Variants in KCNK2 observed in about 807,000 individuals in gnomAD.
KCNK2 encodes the protein potassium two pore domain channel subfamily K member 2, also known as potassium channel subfamily K member 2.
A neutral mutation model predicts 40.5 loss-of-function variants in KCNK2; 21 were observed. The ratio of observed to expected loss-of-function variants is 0.52; its 90% CI spans 0.37 to 0.75. The LOEUF (loss-of-function observed/expected upper bound fraction) is 0.75, where lower values mean the gene tolerates loss of function less well. Ranked by LOEUF, KCNK2 falls within the 30% of genes least tolerant of loss-of-function variation. The pLI, the probability that KCNK2 is intolerant of heterozygous loss-of-function variation, is 0.00. For synonymous variants in KCNK2, 191 were observed against 202.2 expected, an observed-to-expected ratio of 0.94 and a Z score of 0.47; for missense variants, 399 against 531.6, an observed-to-expected ratio of 0.75 and a Z score of 2.45.
rs373155314 is a variant in KCNK2, at chr1:215,192,247, A to G, written c.824-2706A>G. Among the ~76,000 whole-genome samples the G allele has an allele frequency of 7.2e-5, 11 of 152,234 alleles. No homozygotes were observed. In the South Asian group the frequency reaches 2.3e-3, roughly 32 times the overall value. ...AGTAGGATTTGGGAGTTGTTTGACA[A>G]TATTTCTTATATATAGTATTCGTTT... On this transcript the variant is annotated intron_variant, in intron 5 of 6. Transcript: ENST00000444842.
chr1:215,024,173 C>T (rs1656913596), intron 1 of KCNK2, among the ~76,000 whole-genome samples: 1 of 152,148 alleles, frequency 6.6e-6, no homozygotes, highest in Non-Finnish European at 1.5e-5. Context: ...CACCTGACAC[C>T]CTGTGGACTC....
chr1:215,059,921 G>A (rs1005207893), intron 1 of KCNK2, among the ~76,000 whole-genome samples: 2 of 152,212 alleles, frequency 1.3e-5, no homozygotes, highest in Admixed American at 6.5e-5. Flanking sequence ...CTTTTAGAGA[G>A]GAGACCCTCC....
intron 1 of KCNK2, among the ~76,000 whole-genome samples, chr1:215,013,159 T>G (rs1354140487): frequency 6.6e-6 from 1 of 152,202 alleles, no homozygotes; most frequent in Non-Finnish European, 1.5e-5. Flanking sequence ...TAATTTTGTA[T>G]AAGATATGAG....
chr1:215,006,276 T>C (rs780893789), intron 1 of KCNK2, among the ~76,000 whole-genome samples: 8 of 152,192 alleles, frequency 5.3e-5, no homozygotes, highest in Non-Finnish European at 1.2e-4. Context: ...TGCATTTAGA[T>C]TCTGGTAATT....
intron 1 of KCNK2, among the ~76,000 whole-genome samples, chr1:215,033,989 A>G: frequency 6.6e-6 from 1 of 152,110 alleles, no homozygotes; most frequent in Admixed American, 6.6e-5. Context: ...TCAGTAATTC[A>G]TCAATTACAT....
chr1:215,084,851 CT>C (rs1022132343), intron 1 of KCNK2, among the ~76,000 whole-genome samples: 24 of 152,242 alleles, frequency 1.6e-4, no homozygotes, highest in Non-Finnish European at 3.2e-4. Context: ...AATTTCATCT[CT>C]TCCAAATCAG....
chr1:215,013,442 T>G (rs1656478213), intron 1 of KCNK2, among the ~76,000 whole-genome samples: 1 of 152,186 alleles, frequency 6.6e-6, no homozygotes, highest in Admixed American at 6.5e-5. Context: ...CACACAAATT[T>G]TAGAATCAGC....
At chr1:215,225,785 T>C (rs1161199012) in intron 6 of KCNK2, among the ~76,000 whole-genome samples, 2 of 152,182 alleles carry the variant, frequency 1.3e-5, no homozygotes, top group East Asian at 1.9e-4. Context: ...TAAATTACTA[T>C]ACTCACAGCA....
At chr1:215,010,187 T>C (rs2102469573) in intron 1 of KCNK2, among the ~76,000 whole-genome samples, 1 of 152,320 alleles carries the variant, frequency 6.6e-6, no homozygotes, top group South Asian at 2.1e-4. Context: ...GAGAAAAACA[T>C]ATAACTATGA....
chr1:215,195,142 A>G (rs766454730), intron 6 of KCNK2, 50 bp downstream of exon 6: 5 of 1,322,060 alleles, frequency 3.8e-6, no homozygotes, highest in Non-Finnish European at 5.2e-6. Flanking sequence ...AATTCAATAA[A>G]GGTTATTTTA....
At chr1:215,209,118 C>T (rs1039553741) in intron 6 of KCNK2, among the ~76,000 whole-genome samples, 2 of 149,742 alleles carry the variant, frequency 1.3e-5, no homozygotes, top group Non-Finnish European at 3.0e-5. Flanking sequence ...TGAGCCACTG[C>T]GCCTGGCCCT....
intron 1 of KCNK2, among the ~76,000 whole-genome samples, chr1:215,048,749 A>T (rs900661146): frequency 6.6e-6 from 1 of 152,194 alleles, no homozygotes; most frequent in Non-Finnish European, 1.5e-5. Context: ...CTACTAATGC[A>T]TAAAGCTCTG....
At chr1:215,055,698 G>A (rs746256117) in intron 1 of KCNK2, among the ~76,000 whole-genome samples, 3 of 152,116 alleles carry the variant, frequency 2.0e-5, no homozygotes, top group Non-Finnish European at 4.4e-5. Context: ...CAGTTCAAAC[G>A]CTTTGCTTCC....
chr1:215,063,487 G>A (rs1382800532), intron 1 of KCNK2, among the ~76,000 whole-genome samples: 1 of 152,120 alleles, frequency 6.6e-6, no homozygotes, highest in Non-Finnish European at 1.5e-5. Context: ...TTGCATTTTG[G>A]ACTTTCTACT....
chr1:215,040,973 C>T (rs1217115339), intron 1 of KCNK2, among the ~76,000 whole-genome samples: 1 of 152,116 alleles, frequency 6.6e-6, no homozygotes, highest in Non-Finnish European at 1.5e-5. Flanking sequence ...GAACTTCAAG[C>T]AACAGCATGA....
intron 1 of KCNK2, among the ~76,000 whole-genome samples, chr1:215,065,668 T>C (rs1388090106): frequency 1.3e-5 from 2 of 152,202 alleles, no homozygotes; most frequent in Admixed American, 1.3e-4. Context: ...AACTACCAAG[T>C]CTCTCTAAGT....
rs1159257659 is a variant in KCNK2, at chr1:215,132,015, CA to C, written c.475+7269del. ...TGCTTAAGTAATTACGAAAACAAAA[CA>C]AAACAAAAAAACACCAGGAAGAAAA... On this transcript the variant is annotated intron_variant, in intron 3 of 6. Coordinates refer to ENST00000444842, the MANE Select transcript of KCNK2 (RefSeq NM_001017425.3). Among the ~76,000 whole-genome samples, 4 of 151,590 alleles carry C rather than the reference CA, an allele frequency of 2.6e-5. No individual in the cohort carries two copies. In the East Asian group the frequency reaches 7.7e-4, roughly 29 times the overall value.
intron 5 of KCNK2, among the ~76,000 whole-genome samples, chr1:215,188,380 A>G (rs112450718): frequency 1.4e-4 from 21 of 152,296 alleles, no homozygotes; most frequent in African/African-American, 5.1e-4. Context: ...TTACTTGGGA[A>G]GCACACATTT....
intron 1 of KCNK2, among the ~76,000 whole-genome samples, chr1:215,007,137 A>G (rs1373853598): frequency 4.2e-5 from 5 of 119,848 alleles, no homozygotes; most frequent in African/African-American, 1.9e-4. Context: ...ATATGTGTAT[A>G]TATATGTGTA....
Sources: gnomAD v4.1 joint callset for allele counts (sites outside exome capture counted in the v4.1 genomes callset) on GRCh38, gnomAD v4.1.1 for gene constraint, MANE v1.5 for transcripts, NCBI Gene and HGNC (gene_info 2026-07-23, HGNC 2026-07-21) for gene names.